The following CA7 variants were observed in gnomAD, a reference collection of about 807,000 sequenced individuals.
CA7 encodes carbonic anhydrase 7, also known as carbonate dehydratase VII.
Under a neutral mutation model 31.4 loss-of-function variants are expected in CA7, and 13 were observed. That is an observed-to-expected ratio of 0.41 (90% CI 0.27 to 0.66). CA7 has a LOEUF of 0.66. Ranked by LOEUF, CA7 falls within the 30% of genes least tolerant of loss-of-function variation. The pLI, the probability that CA7 is intolerant of heterozygous loss-of-function variation, is 0.28. For synonymous variants in CA7, 128 were observed against 133.2 expected, an observed-to-expected ratio of 0.96 and a Z score of 0.27; for missense variants, 215 against 351.0, an observed-to-expected ratio of 0.61 and a Z score of 3.10.
Position 66,851,486 on chromosome 16 carries a change from C to G in CA7, c.381C>G (p.Ala127=). ...AGCTGCATCTGGTTCACTGGAATGC[C>G]AAGAAGTACAGCACTTTTGGGGAGG... is the stretch of plus-strand genomic sequence containing the variant. The part of the protein sequence containing the change: ...PSELHLVHWN[A]KKYSTFGEAA... The change falls in exon 4 of 7, where the codon GCC becomes GCG. Residue 127 remains alanine, a synonymous_variant. Coordinates refer to ENST00000338437, the MANE Select transcript of CA7 (RefSeq NM_005182.3). 1 of 1,614,148 alleles carries G rather than the reference C, an allele frequency of 6.2e-7. No individual in the cohort carries two copies. Among genetic ancestry groups the G allele is most frequent in the Admixed American group, 1.7e-5 (1 of 60,010 alleles).
chr16:66,846,483 T>C (rs976891076), intron 1 of CA7, among the ~76,000 whole-genome samples: 1 of 152,196 alleles, frequency 6.6e-6, no homozygotes, highest in African/African-American at 2.4e-5. Flanking sequence ...TTAGTACATA[T>C]GCATGCACAC....
chr16:66,852,592 A>AAAAAG (rs1382292793), intron 5 of CA7, 120 bp from the exon 6 acceptor site: 3 of 553,364 alleles, frequency 5.4e-6, no homozygotes, highest in South Asian at 6.3e-5. Flanking sequence ...AAAAGAAAAA[A>AAAAAG]AAAAGAAAAG....
In CA7 at chr16:66,853,425, T is replaced by A; in HGVS notation, c.722T>A (p.Ile241Asn). Residue 241 changes from isoleucine (I) to asparagine (N), a missense_variant, in exon 7 of 7, where the codon ATC (isoleucine) becomes AAC (asparagine). Physicochemically the swap from Ile to Asn is moderately radical, Grantham distance 149. Transcript: ENST00000338437. The surrounding 1 kb of genome is among the most constrained non-coding windows in gnomAD (Gnocchi z 4.5). Reference protein sequence around the residue: ...LLFTSEDDERIHMVNNFRPPQ... With the variant: ...LLFTSEDDERNHMVNNFRPPQ... ...TTTACCTCGGAGGACGATGAGAGGA[T>A]CCACATGGTGAACAACTTCCGGCCA... 6.2e-7 allele frequency: 1 copy of A among 1,614,058 alleles called. No homozygotes were observed. The highest frequency in any genetic ancestry group is 8.5e-7 in the Non-Finnish European group (1 of 1,179,996).
At chr16:66,847,002 G>C (rs758044639) in intron 1 of CA7, 28 bp from the exon 2 acceptor site, 1 of 1,610,140 alleles carries the variant, frequency 6.2e-7, no homozygotes, top group Admixed American at 1.7e-5. Flanking sequence ...TGGCTGGCCT[G>C]AGTCCTTGCC....
At chr16:66,851,210 C>A (rs568150577) in intron 3 of CA7, among the ~76,000 whole-genome samples, 1 of 152,352 alleles carries the variant, frequency 6.6e-6, no homozygotes, top group Admixed American at 6.5e-5. Context: ...TCGTTCCCTG[C>A]AAGGCAGGGC....
At chr16:66,851,855 T>A (rs778175700) in intron 5 of CA7, 129 bp downstream of exon 5, 3 of 811,990 alleles carry the variant, frequency 3.7e-6, no homozygotes, top group Admixed American at 4.0e-5. Flanking sequence ...AGGGTCAGCA[T>A]CAGCAGGGCC....
Position 66,844,456 on chromosome 16 carries a change from G to T in CA7, c.-32G>T. 1 of 1,532,478 alleles carries T rather than the reference G, an allele frequency of 6.5e-7. No individual in the cohort carries two copies. Among genetic ancestry groups the T allele is most frequent in the Non-Finnish European group, 8.8e-7 (1 of 1,138,318 alleles). The allele number at this position is 1,532,478 out of a possible 1,614,324, so 94.9% of individuals were successfully genotyped here. A position where few individuals can be genotyped will look rare whatever the true frequency, so the allele number is the denominator to read the frequency against. On this transcript the variant is annotated 5_prime_UTR_variant, in exon 1 of 7. Transcript: ENST00000338437. ...CCGAACGAGCGGACCGAGCCGACCG[G>T]GCAGGTGCACGGCTGCGGGGACGGC...
In CA7 at chr16:66,844,421, G is replaced by C. The variant is rs980406179; in HGVS notation, c.-67G>C. 1 of 1,387,302 alleles carries C rather than the reference G, an allele frequency of 7.2e-7. No individual in the cohort carries two copies. The highest frequency in any genetic ancestry group is 9.8e-7 in the Non-Finnish European group (1 of 1,025,070). 85.9% of individuals were successfully genotyped at this position (1,387,302 alleles called of 1,614,324 possible). On this transcript the variant is annotated 5_prime_UTR_variant, in exon 1 of 7. Transcript: ENST00000338437. ...TGCTCCGCGGTAGCGAGCGGGGCCG[G>C]AGCCGCAGCCCGAACGAGCGGACCG...
At chr16:66,852,337 C>T (rs957848061) in intron 5 of CA7, among the ~76,000 whole-genome samples, 9 of 151,898 alleles carry the variant, frequency 5.9e-5, no homozygotes, top group Admixed American at 2.6e-4. Context: ...GTGGTGCATG[C>T]CTACAATCTC....
chr16:66,846,220 G>T (rs1397253084), intron 1 of CA7, among the ~76,000 whole-genome samples: 5 of 151,572 alleles, frequency 3.3e-5, no homozygotes, highest in Admixed American at 6.6e-5. Context: ...CATGTGTTTT[G>T]CTGTGGTCCT....
intron 1 of CA7, among the ~76,000 whole-genome samples, chr16:66,846,274 G>A (rs1960927266): frequency 6.6e-6 from 1 of 152,134 alleles, no homozygotes; most frequent in African/African-American, 2.4e-5. Flanking sequence ...GTGTGTGAGA[G>A]AGCATATGCG....
At chr16:66,844,570 A>C in intron 1 of CA7, 43 bp downstream of exon 1, 1 of 1,484,560 alleles carries the variant, frequency 6.7e-7, no homozygotes. Flanking sequence ...CGGACCCCCG[A>C]CCCAACTGCA....
rs943767897 is a variant in CA7, at chr16:66,844,426, G to A, written c.-62G>A. On this transcript the variant is annotated 5_prime_UTR_variant, in exon 1 of 7. Transcript: ENST00000338437. The stretch of plus-strand genomic sequence containing the variant: ...CGCGGTAGCGAGCGGGGCCGGAGCC[G>A]CAGCCCGAACGAGCGGACCGAGCCG... 3.9e-5 allele frequency: 55 copies of A among 1,424,076 alleles called. No homozygotes were observed. The highest frequency in any genetic ancestry group is 2.2e-4 in the Middle Eastern group (1 of 4,536). 88.2% of individuals were successfully genotyped at this position (1,424,076 alleles called of 1,614,324 possible).
chr16:66,850,038 TG>T (rs759250643), intron 2 of CA7, among the ~76,000 whole-genome samples: 30 of 149,116 alleles, frequency 2.0e-4, no homozygotes, highest in Non-Finnish European at 3.7e-4. Context: ...GAGAAATGCT[TG>T]AACCTGGGAG....
At chr16:66,852,966 C>T (rs1597064283) in intron 6 of CA7, 99 bp downstream of exon 6, 2 of 1,085,398 alleles carry the variant, frequency 1.8e-6, no homozygotes, top group African/African-American at 1.6e-5. Context: ...CGTGATCCCA[C>T]CTTCAAGGTT....
At chr16:66,845,434 T>C (rs987729848) in intron 1 of CA7, among the ~76,000 whole-genome samples, 2 of 152,152 alleles carry the variant, frequency 1.3e-5, no homozygotes, top group South Asian at 4.2e-4. Flanking sequence ...GGAGAGGCAG[T>C]CACTTTGTGA....
intron 2 of CA7, among the ~76,000 whole-genome samples, chr16:66,849,861 A>T (rs527668246): frequency 2.0e-5 from 3 of 152,220 alleles, no homozygotes; most frequent in Non-Finnish European, 4.4e-5. Flanking sequence ...CAAATGAAAA[A>T]TGTATCCCAC....
At chr16:66,849,312 G>A (rs542830312) in intron 2 of CA7, among the ~76,000 whole-genome samples, 1 of 152,184 alleles carries the variant, frequency 6.6e-6, no homozygotes, top group Admixed American at 6.5e-5. Flanking sequence ...GCCTGTCCAG[G>A]AAGGTAGAGA....
intron 3 of CA7, among the ~76,000 whole-genome samples, chr16:66,850,995 C>T (rs1363157992): frequency 2.6e-5 from 4 of 152,204 alleles, no homozygotes; most frequent in Non-Finnish European, 5.9e-5. Flanking sequence ...CTCACCTCTT[C>T]ATACACTGAG....
Sources: gnomAD v4.1 joint callset for allele counts (sites outside exome capture counted in the v4.1 genomes callset) on GRCh38, gnomAD v4.1.1 for gene constraint, Gnocchi (gnomAD v3.1) non-coding constraint, MANE v1.5 for transcripts, NCBI Gene and HGNC (gene_info 2026-07-23, HGNC 2026-07-21) for gene names.